The following RANBP2 variants were observed in gnomAD, a reference collection of about 807,000 sequenced individuals.
RANBP2 encodes RAN binding protein 2.
In RANBP2, 57 loss-of-function variants were observed where a neutral mutation model predicts 303.6. The ratio of observed to expected loss-of-function variants is 0.19; its 90% CI spans 0.15 to 0.23. RANBP2 has a LOEUF of 0.23. RANBP2 is among the 10% of genes least tolerant of loss of function. The pLI is 1.00. For missense variants in RANBP2, 3,138 were observed against 3,780.8 expected (o/e 0.83, Z 4.46); for synonymous variants, 1,167 against 1,301.5 (o/e 0.90, Z 2.23).
the RANBP2 span, among the ~76,000 whole-genome samples, chr2:109,706,520 C>T: frequency 2.0e-5 from 3 of 152,216 alleles, no homozygotes; most frequent in Non-Finnish European, 4.4e-5. Flanking sequence ...TGACCACTGC[C>T]CTCCCCAAGG....
At chr2:109,325,083 G>T in the RANBP2 span, among the ~76,000 whole-genome samples, 4 of 152,120 alleles carry the variant, frequency 2.6e-5, no homozygotes, top group Non-Finnish European at 5.9e-5. Flanking sequence ...TAGAAGGGAG[G>T]ATGCCATGGC....
the RANBP2 span, among the ~76,000 whole-genome samples, chr2:109,343,137 C>T: frequency 2.0e-5 from 3 of 152,106 alleles, no homozygotes; most frequent in African/African-American, 7.2e-5. Context: ...GACATAGAGG[C>T]CTCCAGGTTG....
At chr2:109,479,262 C>T in the RANBP2 span, among the ~76,000 whole-genome samples, 3 of 152,128 alleles carry the variant, frequency 2.0e-5, no homozygotes, top group African/African-American at 7.2e-5. Context: ...GCCCAGCACA[C>T]AGGGTGGGGA....
the RANBP2 span, among the ~76,000 whole-genome samples, chr2:108,969,108 A>C: frequency 6.6e-6 from 1 of 152,152 alleles, no homozygotes; most frequent in Non-Finnish European, 1.5e-5. Context: ...TCATGGTTTT[A>C]GCTCCTTGAG....
chr2:109,335,778 C>A, the RANBP2 span, among the ~76,000 whole-genome samples: 1 of 152,186 alleles, frequency 6.6e-6, no homozygotes, highest in Non-Finnish European at 1.5e-5. Context: ...TGACTAACTG[C>A]ATAAATGTCC....
chr2:109,577,668 T>C, the RANBP2 span, among the ~76,000 whole-genome samples: 3 of 151,524 alleles, frequency 2.0e-5, no homozygotes, highest in Admixed American at 6.6e-5. Flanking sequence ...ATCCCAGCAC[T>C]TTGGGAGGCC....
chr2:109,075,445 C>T, the RANBP2 span, among the ~76,000 whole-genome samples: 3 of 150,240 alleles, frequency 2.0e-5, no homozygotes, highest in Non-Finnish European at 3.0e-5. Context: ...AGGCTGGTCT[C>T]GAACTGCTGA....
chr2:109,320,512 A>G, the RANBP2 span, among the ~76,000 whole-genome samples: 1 of 152,248 alleles, frequency 6.6e-6, no homozygotes, highest in Admixed American at 6.5e-5. Flanking sequence ...TTCATGCTCA[A>G]AGGGAGGCTG....
chr2:109,130,077 G>A, the RANBP2 span: 6 of 1,367,482 alleles, frequency 4.4e-6, no homozygotes, highest in South Asian at 1.7e-5. Context: ...GCAGTCTGCG[G>A]GAGCTGGCGA....
At chr2:109,250,866 T>C in the RANBP2 span, among the ~76,000 whole-genome samples, 2 of 152,092 alleles carry the variant, frequency 1.3e-5, no homozygotes, top group Non-Finnish European at 2.9e-5. Flanking sequence ...GAACAAAAAA[T>C]CAAATCACTT....
At chr2:109,661,420 G>T in the RANBP2 span, among the ~76,000 whole-genome samples, 5 of 151,928 alleles carry the variant, frequency 3.3e-5, no homozygotes, top group Admixed American at 3.3e-4. Context: ...CTAATTTTTT[G>T]GATCTTTAGT....
the RANBP2 span, among the ~76,000 whole-genome samples, chr2:108,815,469 T>G: frequency 7.3e-6 from 1 of 136,786 alleles, no homozygotes; most frequent in South Asian, 2.4e-4. Flanking sequence ...GTGTTTTTTT[T>G]TTTTTTTTTT....
the RANBP2 span, among the ~76,000 whole-genome samples, chr2:109,433,455 C>T: frequency 6.6e-6 from 1 of 152,182 alleles, no homozygotes; most frequent in African/African-American, 2.4e-5. Flanking sequence ...GATGAGGATC[C>T]ACAGCTTGGT....
chr2:109,419,715 G>C, the RANBP2 span: 21 of 1,425,994 alleles, frequency 1.5e-5, no homozygotes, highest in Non-Finnish European at 2.0e-5. Flanking sequence ...ACCTGTCCAC[G>C]TGTGGTTTCC....
At chr2:109,742,280 G>A in the RANBP2 span, among the ~76,000 whole-genome samples, 1 of 94,650 alleles carries the variant, frequency 1.1e-5, no homozygotes, top group Non-Finnish European at 2.0e-5. Context: ...AATTAGCCGG[G>A]CATGGTGGCA....
chr2:108,948,186 A>C, the RANBP2 span, among the ~76,000 whole-genome samples: 1 of 151,838 alleles, frequency 6.6e-6, no homozygotes, highest in African/African-American at 2.4e-5. Context: ...AGCAAGAGTG[A>C]CCTTTGCTTC....
chr2:109,056,854 A>G, the RANBP2 span, among the ~76,000 whole-genome samples: 1 of 152,222 alleles, frequency 6.6e-6, no homozygotes, highest in African/African-American at 2.4e-5. Context: ...ACAGTTGTAC[A>G]TGGTCCTCCC....
At chr2:109,616,130 G>A in the RANBP2 span, 1 of 1,424,500 alleles carries the variant, frequency 7.0e-7, no homozygotes, top group African/African-American at 1.4e-5. Flanking sequence ...ACTAGGTGTT[G>A]TAAGGAAGTG....
chr2:109,249,700 T>C, the RANBP2 span, among the ~76,000 whole-genome samples: 2 of 150,814 alleles, frequency 1.3e-5, no homozygotes, highest in African/African-American at 4.9e-5. Flanking sequence ...AAGGCTGGAG[T>C]ACAGTGGTGC....
Sources: gnomAD v4.1 joint callset for allele counts (sites outside exome capture counted in the v4.1 genomes callset) on GRCh38, gnomAD v4.1.1 for gene constraint, MANE v1.5 for transcripts, NCBI Gene and HGNC (gene_info 2026-07-23, HGNC 2026-07-21) for gene names.